GPR84: variants seen among roughly 807,000 people sequenced by gnomAD.
GPR84 encodes the protein G protein-coupled receptor 84.
GPR84 carries 8 observed loss-of-function variants against 14.9 expected under a neutral mutation model. The ratio of observed to expected loss-of-function variants is 0.54; its 90% confidence interval spans 0.31 to 0.97. GPR84 has a LOEUF of 0.97. Ranked by LOEUF, GPR84 falls within the 50% of genes least tolerant of loss-of-function variation. The pLI is 0.04. For synonymous variants in GPR84, 164 were observed against 198.1 expected (o/e 0.83, Z 1.45); for missense variants, 424 against 498.7 (o/e 0.85, Z 1.43).
Position 54,363,244 on chromosome 12 carries a change from C to T in GPR84, c.608G>A (p.Arg203His), listed in dbSNP as rs140399283. Reference sequence around the variant, plus strand: ...TGCCTGTGCTGCTCGTTTGACCTGGCGGTGGATGAGGCAATAGAAGATGCC... The same window carrying T: ...TGCCTGTGCTGCTCGTTTGACCTGGTGGTGGATGAGGCAATAGAAGATGCC... ...SVGIFYCLIH[R>H]QVKRAAQALD... Residue 203 changes from arginine to histidine, a missense_variant, in exon 2 of 2, where the codon CGC becomes CAC. Transcript: ENST00000267015. The T allele has an allele frequency of 7.7e-5, 124 of 1,613,966 alleles. No individual in the cohort carries two copies. Among genetic ancestry groups the T allele is most frequent in the Middle Eastern group, 3.3e-4 (2 of 6,084 alleles).
chr12:54,359,432 G>C (rs1241381276), downstream of GPR84, among the ~76,000 whole-genome samples: 1 of 149,984 alleles, frequency 6.7e-6, no homozygotes, highest in Non-Finnish European at 1.5e-5. Context: ...GGGGCGGGGG[G>C]AGCGCGGCAG....
chr12:54,361,670 C>T (rs986610124), downstream of GPR84, among the ~76,000 whole-genome samples: 1 of 152,106 alleles, frequency 6.6e-6, no homozygotes, highest in African/African-American at 2.4e-5. The surrounding 1 kb of genome is among the most constrained non-coding windows in gnomAD (Gnocchi z 4.3). Flanking sequence ...CGTGCCTGGC[C>T]CATAATTTTT....
downstream of GPR84, among the ~76,000 whole-genome samples, chr12:54,359,930 GT>G (rs1259894277): frequency 0.012 from 1,809 of 144,840 alleles, 37 homozygotes; most frequent in African/African-American, 0.04. Flanking sequence ...TGTCTCCTGA[GT>G]TTTTTTTTTT....
the GPR84 span, among the ~76,000 whole-genome samples, chr12:54,355,327 AGTGTGTGTGTGTGTGTGTGT>A: frequency 6.8e-6 from 1 of 146,846 alleles, no homozygotes; most frequent in East Asian, 2.0e-4. Context: ...TGTGTGTGTG[AGTGTGTGTGTGTGTGTGTGT>A]GTGTGTGCGC....
In GPR84 at chr12:54,362,956, TG is replaced by T. The variant is rs780521780; in HGVS notation, c.895del (p.Gln299SerfsTer19). On this transcript the variant is annotated frameshift_variant, in exon 2 of 2. Transcript: ENST00000267015. LOFTEE classifies it high-confidence loss of function. The surrounding 1 kb of genome is among the most constrained non-coding windows in gnomAD (Gnocchi z 4.0). ...AGCTCTTCTGGCTCCTTTAATTGGC[TG>T]GGCTTTGGCAGATGCTTCTGGAGGG... ...KSPPEASAKA[Q>X]PIKGARRAPD... 84 of 1,614,256 alleles carry T rather than the reference TG, an allele frequency of 5.2e-5. No individual in the cohort carries two copies. The Middle Eastern group carries it at 2.3e-3, about 44-fold the overall frequency.
At chr12:54,359,126 G>C (rs1023493588), downstream of GPR84, among the ~76,000 whole-genome samples, 1 of 152,088 alleles carries the variant, frequency 6.6e-6, no homozygotes, top group Non-Finnish European at 1.5e-5. Flanking sequence ...GAGAGGAGGA[G>C]GGACGCGGCG....
chr12:54,361,963 A>G (rs1046392952), downstream of GPR84, among the ~76,000 whole-genome samples: 2 of 152,242 alleles, frequency 1.3e-5, no homozygotes, highest in African/African-American at 2.4e-5. The surrounding 1 kb of genome is among the most constrained non-coding windows in gnomAD (Gnocchi z 4.3). Context: ...CTACAGACCA[A>G]GGAGTCCTCC....
In GPR84 at chr12:54,363,532, GA is replaced by G. The variant is rs770450090; in HGVS notation, c.319del (p.Ser107ProfsTer3). 1 of 1,614,102 alleles carries G rather than the reference GA, an allele frequency of 6.2e-7. No individual in the cohort carries two copies. The highest frequency in any genetic ancestry group is 1.1e-5 in the South Asian group (1 of 91,086). On this transcript the variant is annotated frameshift_variant, in exon 2 of 2. Coordinates refer to ENST00000267015, the MANE Select transcript of GPR84 (RefSeq NM_020370.3). LOFTEE classifies it high-confidence loss of function. The stretch of plus-strand genomic sequence containing the variant: ...TGCGATGAGGCAGAGGGTCAGGATG[GA>G]GACAGAATTGGAGGCAAAAAGGAGG... ...GLLLFASNSV[S>X]ILTLCLIALG...
At chr12:54,364,192 T>G (rs907704501) in intron 1 of GPR84, 1 of 201,450 alleles carries the variant, frequency 5.0e-6, no homozygotes, top group African/African-American at 2.3e-5. Flanking sequence ...CCAACTTTTT[T>G]AATTCCTTCC....
chr12:54,352,845 T>G, the GPR84 span, among the ~76,000 whole-genome samples: 160 of 152,302 alleles, frequency 1.1e-3, 2 homozygotes, highest in Non-Finnish European at 1.8e-3. Context: ...CTGCCAACAG[T>G]CCTGCATTGA....
downstream of GPR84, among the ~76,000 whole-genome samples, chr12:54,358,087 C>G (rs1483425340): frequency 6.6e-6 from 1 of 152,050 alleles, no homozygotes; most frequent in African/African-American, 2.4e-5. Flanking sequence ...AAAATAGGAG[C>G]CCCCAGCTGC....
At chr12:54,356,386 G>A in the GPR84 span, among the ~76,000 whole-genome samples, 2 of 152,174 alleles carry the variant, frequency 1.3e-5, no homozygotes, top group Admixed American at 6.5e-5. Context: ...CTATTGGCCC[G>A]AAATTGTCTC....
At chr12:54,351,382 T>C in the GPR84 span, 8 of 152,194 alleles carry the variant, frequency 5.3e-5, 1 homozygote, top group East Asian at 7.7e-4. Context: ...GTGGAACTTA[T>C]GACTTGGGCC....
At chr12:54,354,753 T>C in the GPR84 span, among the ~76,000 whole-genome samples, 1 of 152,066 alleles carries the variant, frequency 6.6e-6, no homozygotes, top group Non-Finnish European at 1.5e-5. Flanking sequence ...CCTATGCCTT[T>C]TCTTTTTCAA....
Position 54,363,772 on chromosome 12 carries a change from C to A in GPR84, c.80G>T (p.Gly27Val), listed in dbSNP as rs746322097. The A allele has an allele frequency of 6.8e-6, 11 of 1,613,562 alleles. No individual in the cohort carries two copies. Among genetic ancestry groups the A allele is most frequent in the Non-Finnish European group, 8.5e-6 (10 of 1,179,884 alleles). ...GGTGCCTGTCACAGCCACCACCACC[C>A]CCCAGCTAACTGCAACATAACGATA... ...LGYRYVAVSW[G>V]VVVAVTGTVG... The change falls in exon 2 of 2, where the codon GGG (glycine) becomes GTG (valine). Residue 27 changes from glycine to valine, a missense_variant. By Grantham distance (109) the Gly-to-Val change is moderately radical (BLOSUM62 -3). Transcript: ENST00000267015.
At chr12:54,357,672 C>G (rs1954224229), downstream of GPR84, among the ~76,000 whole-genome samples, 1 of 152,168 alleles carries the variant, frequency 6.6e-6, no homozygotes, top group Non-Finnish European at 1.5e-5. Flanking sequence ...CCCAGGGATC[C>G]AGGCTGTGGT....
chr12:54,362,574 A>T lies in GPR84; in HGVS notation c.*87T>A. Reference sequence around the variant, plus strand: ...GAGAGATTGTTGTGAAAATGCCCACATGTGTTATTTCACCTATTCTCCTAT... The same window carrying T: ...GAGAGATTGTTGTGAAAATGCCCACTTGTGTTATTTCACCTATTCTCCTAT... On this transcript the variant is annotated 3_prime_UTR_variant, in exon 2 of 2. Transcript: ENST00000267015. The surrounding 1 kb of genome is among the most constrained non-coding windows in gnomAD (Gnocchi z 4.0). 1 of 793,208 alleles carries T rather than the reference A, an allele frequency of 1.3e-6. No individual in the cohort carries two copies. The highest frequency in any genetic ancestry group is 1.7e-5 in the South Asian group (1 of 58,628). The allele number at this position is 793,208 out of a possible 1,614,324, so 49.1% of individuals were successfully genotyped here.
At chr12:54,364,031 TC>T (rs1007265066) in intron 1 of GPR84, 172 bp from the exon 2 acceptor site, 2 of 515,218 alleles carry the variant, frequency 3.9e-6, no homozygotes, top group South Asian at 3.6e-5. Flanking sequence ...CCTAACTCTC[TC>T]CTTAGGTTCT....
chr12:54,355,126 C>T, the GPR84 span, among the ~76,000 whole-genome samples: 4 of 151,816 alleles, frequency 2.6e-5, no homozygotes, highest in African/African-American at 4.8e-5. Context: ...ATTGAGAGAC[C>T]GAGGCAGAGG....
Sources: allele counts gnomAD v4.1 joint callset (sites outside exome capture counted in the v4.1 genomes callset), GRCh38; gene constraint gnomAD v4.1.1; non-coding constraint Gnocchi (gnomAD v3.1); transcripts MANE v1.5; gene names NCBI Gene and HGNC (gene_info 2026-07-23, HGNC 2026-07-21).